The following PCDHGA7 variants were observed in gnomAD, a reference collection of about 807,000 sequenced individuals.
The protein encoded by PCDHGA7 is protocadherin gamma subfamily A, 7, also known as protocadherin gamma-A7.
PCDHGA7 carries 44 observed loss-of-function variants against 58.3 expected under a neutral mutation model. The observed-to-expected ratio is 0.75, with a 90% confidence interval of 0.59 to 0.97. The LOEUF (loss-of-function observed/expected upper bound fraction) is 0.97. Ranked by LOEUF, PCDHGA7 falls within the 50% of genes least tolerant of loss-of-function variation. PCDHGA7 has a pLI of 0.00. For missense variants in PCDHGA7, 1,266 were observed against 1,188.7 expected (o/e 1.06, Z -0.96); for synonymous variants, 516 against 504.2 (o/e 1.02, Z -0.31).
chr5:141,494,441 C>T (rs1187169994), intron 1 of PCDHGA7, among the ~76,000 whole-genome samples: 2 of 152,154 alleles, frequency 1.3e-5, no homozygotes, highest in African/African-American at 4.8e-5. Context: ...TCCTTTGCCA[C>T]TTTAGGGGGC....
chr5:141,508,077 G>T (rs1166570509), intron 3 of PCDHGA7: 1 of 152,446 alleles, frequency 6.6e-6, no homozygotes, highest in Non-Finnish European at 1.5e-5. Context: ...GGCTACTCTG[G>T]AGTTGCTGCC....
In PCDHGA7 at chr5:141,432,142, C is replaced by T; in HGVS notation, c.2424+46819C>T. 1 of 1,614,098 alleles carries T rather than the reference C, an allele frequency of 6.2e-7. No individual in the cohort carries two copies. Among genetic ancestry groups the T allele is most frequent in the Non-Finnish European group, 8.5e-7 (1 of 1,180,016 alleles). On this transcript the variant is annotated intron_variant, in intron 1 of 3. Transcript: ENST00000518325. This position sits in a 1 kb window ranked among gnomAD's most constrained non-coding sequence, Gnocchi z 6.0. Reference sequence around the variant, plus strand: ...CTCAGGCCTCCTATTCCGCTTATATCCCAGAGAACAATCCCAGAGGAGTTT... The same window carrying T: ...CTCAGGCCTCCTATTCCGCTTATATTCCAGAGAACAATCCCAGAGGAGTTT...
Position 141,384,016 on chromosome 5 carries a change from G to A in PCDHGA7, c.1117G>A (p.Asp373Asn). ...AGTCATTGCTCTTTTCTACCTACAA[G>A]ACAGAGATTCTGGAAAGAATGGTGA... ...GTVIALFYLQ[D>N]RDSGKNGEVT... The change falls in exon 1 of 4, where the codon GAC (aspartate) becomes AAC (asparagine). Residue 373 changes from aspartate to asparagine, a missense_variant. Asp to Asn is a conservative substitution (Grantham distance 23). Transcript: ENST00000518325. The A allele has an allele frequency of 6.2e-7, 1 of 1,613,744 alleles. No homozygotes were observed. Among genetic ancestry groups the A allele is most frequent in the Non-Finnish European group, 8.5e-7 (1 of 1,179,774 alleles).
chr5:141,419,461 C>T, intron 1 of PCDHGA7: 2 of 1,612,628 alleles, frequency 1.2e-6, no homozygotes, highest in Non-Finnish European at 1.7e-6. Flanking sequence ...CGCTGCAGGC[C>T]CGCGACCAGG....
At chr5:141,388,529 G>A in intron 1 of PCDHGA7, 1 of 1,613,814 alleles carries the variant, frequency 6.2e-7, no homozygotes, top group South Asian at 1.1e-5. Context: ...TGACTGCCTT[G>A]GACTTTGGAG....
intron 1 of PCDHGA7, chr5:141,427,102 C>T (rs1363595185): frequency 6.6e-6 from 3 of 457,858 alleles, no homozygotes; most frequent in South Asian, 3.1e-5. Flanking sequence ...GGTGTCAATG[C>T]GGAGATCACC....
intron 1 of PCDHGA7, chr5:141,420,396 A>C: frequency 8.0e-7 from 1 of 1,250,930 alleles, no homozygotes; most frequent in Non-Finnish European, 1.1e-6. Context: ...ATATAGGTCA[A>C]ATTTATGGTT....
At chr5:141,395,379 C>A in intron 1 of PCDHGA7, 1 of 1,139,610 alleles carries the variant, frequency 8.8e-7, no homozygotes, top group Non-Finnish European at 1.2e-6. Flanking sequence ...GGTGGTGTTA[C>A]TATAAAATTG....
chr5:141,477,260 G>A lies in PCDHGA7; in HGVS notation c.2425-17547G>A. On this transcript the variant is annotated intron_variant, in intron 1 of 3. Coordinates refer to ENST00000518325, the MANE Select transcript of PCDHGA7 (RefSeq NM_018920.4). This position sits in a 1 kb window ranked among gnomAD's most constrained non-coding sequence, Gnocchi z 4.9. ...GCTCAGTGTGACTGACCTGGATGCTGGCGAGAACGGGCTGGTGACCTGCGA... is the reference window on the plus strand; with the variant it reads ...GCTCAGTGTGACTGACCTGGATGCTAGCGAGAACGGGCTGGTGACCTGCGA... 6.2e-7 allele frequency: 1 copy of A among 1,614,200 alleles called. No homozygotes were observed. Among genetic ancestry groups the A allele is most frequent in the Non-Finnish European group, 8.5e-7 (1 of 1,180,048 alleles).
At chr5:141,510,677 A>G (rs2099882239) in intron 3 of PCDHGA7, among the ~76,000 whole-genome samples, 2 of 152,212 alleles carry the variant, frequency 1.3e-5, no homozygotes, top group African/African-American at 4.8e-5. Context: ...CTGAAGTGGC[A>G]TAAGGAGGTT....
intron 1 of PCDHGA7, among the ~76,000 whole-genome samples, chr5:141,407,776 A>G (rs1248399145): frequency 2.0e-5 from 3 of 152,234 alleles, no homozygotes; most frequent in Non-Finnish European, 4.4e-5. Context: ...TGTGCATAAT[A>G]GATTTATTTA....
chr5:141,415,056 G>T, intron 1 of PCDHGA7: 1 of 1,613,416 alleles, frequency 6.2e-7, no homozygotes. Context: ...GGGAGCACAC[G>T]GGCGAGGTGC....
Position 141,431,919 on chromosome 5 carries a change from A to C in PCDHGA7, c.2424+46596A>C, listed in dbSNP as rs2097428718. The C allele has an allele frequency of 7.4e-6, 12 of 1,614,040 alleles. No individual in the cohort carries two copies. Among genetic ancestry groups the C allele is most frequent in the Non-Finnish European group, 1.0e-5 (12 of 1,179,980 alleles). On this transcript the variant is annotated intron_variant, in intron 1 of 3. Transcript: ENST00000518325. This position sits in a 1 kb window ranked among gnomAD's most constrained non-coding sequence, Gnocchi z 4.8. ...AACGGACAGGTGATCTGTTTCATCC[A>C]AGGAAATCTGCCCTTTAAATTAGAA... is the stretch of plus-strand genomic sequence containing the variant.
rs776189143 is a variant in PCDHGA7, at chr5:141,422,957, A to G, written c.2424+37634A>G. 11 of 1,614,190 alleles carry G rather than the reference A, an allele frequency of 6.8e-6. 1 individual carries two copies. The South Asian group carries it at 7.7e-5, about 11-fold the overall frequency. Reference sequence around the variant, plus strand: ...CCCACAGACGGCTCCACTGGCGTGGAGCTGGCGCCCCGCTCTGCGGAACCT... The same window carrying G: ...CCCACAGACGGCTCCACTGGCGTGGGGCTGGCGCCCCGCTCTGCGGAACCT... On this transcript the variant is annotated intron_variant, in intron 1 of 3. Coordinates refer to ENST00000518325, the MANE Select transcript of PCDHGA7 (RefSeq NM_018920.4).
At chr5:141,468,403 A>C (rs2099166784) in intron 1 of PCDHGA7, 1 of 152,088 alleles carries the variant, frequency 6.6e-6, no homozygotes, top group African/African-American at 2.4e-5. Flanking sequence ...GGTGAGAACT[A>C]ATAATAAGTT....
chr5:141,475,013 G>C (rs950376592), intron 1 of PCDHGA7, among the ~76,000 whole-genome samples: 1 of 152,176 alleles, frequency 6.6e-6, no homozygotes, highest in Non-Finnish European at 1.5e-5. Flanking sequence ...AAAAGTTAAG[G>C]CTCTTTATTC....
chr5:141,481,317 C>T (rs2099535550), intron 1 of PCDHGA7, among the ~76,000 whole-genome samples: 1 of 152,182 alleles, frequency 6.6e-6, no homozygotes, highest in African/African-American at 2.4e-5. Context: ...CTTCCTAAAG[C>T]ACTAGCCCCT....
chr5:141,450,948 C>T (rs1250110393), intron 1 of PCDHGA7, among the ~76,000 whole-genome samples: 2 of 151,870 alleles, frequency 1.3e-5, no homozygotes, highest in East Asian at 3.9e-4. Flanking sequence ...CCTCAGCCTC[C>T]CAAGTAGCTG....
At chr5:141,505,341 A>G in intron 2 of PCDHGA7, 52 bp from the exon 3 acceptor site, 3 of 1,612,728 alleles carry the variant, frequency 1.9e-6, no homozygotes, top group Non-Finnish European at 2.5e-6. Context: ...CAGGAGGGGC[A>G]TGAGCTGTGC....
Sources: allele counts gnomAD v4.1 joint callset (sites outside exome capture counted in the v4.1 genomes callset), GRCh38; gene constraint gnomAD v4.1.1; non-coding constraint Gnocchi (gnomAD v3.1); transcripts MANE v1.5; gene names NCBI Gene and HGNC (gene_info 2026-07-23, HGNC 2026-07-21).